The following SCN3A variants were observed in gnomAD, a reference collection of about 807,000 sequenced individuals.
SCN3A encodes sodium channel protein type 3 subunit alpha.
SCN3A carries 60 observed loss-of-function variants against 187.6 expected under a neutral mutation model. The ratio of observed to expected loss-of-function variants is 0.32; its 90% CI spans 0.26 to 0.40. SCN3A has a LOEUF of 0.40. SCN3A is among the 10% of genes least tolerant of loss of function. SCN3A has a pLI of 1.00. For synonymous variants in SCN3A, 788 were observed against 829.2 expected (o/e 0.95, Z 0.85); for missense variants, 1,601 against 2,428.2 (o/e 0.66, Z 7.16).
chr2:165,163,661 T>A lies in SCN3A; in HGVS notation c.651A>T (p.Thr217=). The part of the protein sequence containing the change: ...VDLGNVSALR[T]FRVLRALKTI... ...TTTTCAGTGCTCGGAGAACTCTGAATGTTCTCAACGCTGAGACATTGCCCA... is the reference window on the plus strand; with the variant it reads ...TTTTCAGTGCTCGGAGAACTCTGAAAGTTCTCAACGCTGAGACATTGCCCA... Residue 217 remains threonine, a synonymous_variant, in exon 7 of 28, where the codon ACA becomes ACT. Transcript: ENST00000283254. The A allele has an allele frequency of 6.2e-7, 1 of 1,614,104 alleles. No homozygotes were observed. Among genetic ancestry groups the A allele is most frequent in the South Asian group, 1.1e-5 (1 of 91,074 alleles).
intron 21 of SCN3A, among the ~76,000 whole-genome samples, chr2:165,103,511 A>G (rs1474281475): frequency 6.6e-6 from 1 of 152,176 alleles, no homozygotes; most frequent in Non-Finnish European, 1.5e-5. Context: ...CAAAAACTAA[A>G]TTTTTAATAT....
At chr2:165,192,441 T>C (rs1297435075) in intron 1 of SCN3A, among the ~76,000 whole-genome samples, 1 of 152,168 alleles carries the variant, frequency 6.6e-6, no homozygotes, top group African/African-American at 2.4e-5. Flanking sequence ...AACATGATTG[T>C]TGTTTGTATT....
chr2:165,096,694 G>A (rs1402947303), intron 23 of SCN3A, among the ~76,000 whole-genome samples, 174 bp from the exon 24 acceptor site: 1 of 152,054 alleles, frequency 6.6e-6, no homozygotes, highest in Admixed American at 6.6e-5. Flanking sequence ...TTAAAGTCTG[G>A]AACTTGTTTC....
Position 165,091,345 on chromosome 2 carries a change from C to T in SCN3A, c.4808G>A (p.Gly1603Asp). ...DFVVVILSIV[G>D]MFLAEMIEKY... The stretch of plus-strand genomic sequence containing the variant: ...TTCTATCATCTCAGCCAGAAACATA[C>T]CTATGGAAAACATAGAACACAGCTA... Residue 1603 changes from glycine to aspartate, a missense_variant and splice_region_variant, in exon 28 of 28, where the codon GGT becomes GAT. Physicochemically the swap from Gly to Asp is moderately conservative, Grantham distance 94 (BLOSUM62 -1). Coordinates refer to ENST00000283254, the MANE Select transcript of SCN3A (RefSeq NM_006922.4). 1 of 1,613,854 alleles carries T rather than the reference C, an allele frequency of 6.2e-7. No homozygotes were observed. Among genetic ancestry groups the T allele is most frequent in the Non-Finnish European group, 8.5e-7 (1 of 1,179,826 alleles).
intron 12 of SCN3A, among the ~76,000 whole-genome samples, chr2:165,146,380 ATATGTGTG>A (rs1302628388): frequency 0.025 from 2,230 of 90,580 alleles, 50 homozygotes; most frequent in African/African-American, 0.076. Flanking sequence ...ATATATATAT[ATATGTGTG>A]TGTGTGTGTG....
intron 1 of SCN3A, among the ~76,000 whole-genome samples, chr2:165,187,402 T>C (rs1308885591): frequency 6.6e-6 from 1 of 152,180 alleles, no homozygotes; most frequent in South Asian, 2.1e-4. Context: ...ATAATAATAA[T>C]TTCAAAGGGC....
intron 11 of SCN3A, among the ~76,000 whole-genome samples, chr2:165,154,112 A>C (rs1462793656): frequency 6.6e-6 from 1 of 150,376 alleles, no homozygotes; most frequent in Non-Finnish European, 1.5e-5. Flanking sequence ...TGTCATAATT[A>C]GGGGTGAATC....
At chr2:165,129,408 G>T (rs1687181366) in intron 17 of SCN3A, among the ~76,000 whole-genome samples, 2 of 152,302 alleles carry the variant, frequency 1.3e-5, no homozygotes, top group South Asian at 4.1e-4. Context: ...CCTCTTCCAA[G>T]TTACTTGGAT....
chr2:165,109,873 G>A (rs1559190954), intron 21 of SCN3A, among the ~76,000 whole-genome samples: 1 of 152,112 alleles, frequency 6.6e-6, no homozygotes, highest in Non-Finnish European at 1.5e-5. Flanking sequence ...TACTTTTTGA[G>A]TTCGGTTTCT....
rs779630939 is a variant in SCN3A at position 165,162,548 on chromosome 2, C to T, written c.967+8G>A. 2.5e-6 allele frequency: 4 copies of T among 1,613,904 alleles called. No individual in the cohort carries two copies. In the African/African-American group the frequency reaches 4.0e-5, roughly 16 times the overall value. The stretch of plus-strand genomic sequence containing the variant: ...ACACTAAGGTTAACATAATGTAATA[C>T]TTCTTACTGTCATCTCCAATGTAAT... On this transcript the variant is annotated splice_region_variant and intron_variant, in intron 8 of 27. Coordinates refer to ENST00000283254, the MANE Select transcript of SCN3A (RefSeq NM_006922.4).
intron 11 of SCN3A, among the ~76,000 whole-genome samples, chr2:165,151,121 G>A (rs996078504): frequency 6.6e-6 from 1 of 152,008 alleles, no homozygotes; most frequent in African/African-American, 2.4e-5. Context: ...GTATCCAATG[G>A]TAAGATGAAA....
At chr2:165,154,718 C>A in intron 10 of SCN3A, 60 bp from the exon 11 acceptor site, 1 of 1,457,396 alleles carries the variant, frequency 6.9e-7, no homozygotes. Flanking sequence ...AAATAAATAT[C>A]TGATTACCAC....
chr2:165,101,353 C>G (rs955126001), intron 21 of SCN3A, among the ~76,000 whole-genome samples: 2 of 152,074 alleles, frequency 1.3e-5, no homozygotes, highest in African/African-American at 4.8e-5. Flanking sequence ...AATTTTCTTT[C>G]AATATAATAA....
intron 23 of SCN3A, 23 bp from the exon 24 acceptor site, chr2:165,096,543 T>A (rs1685373080): frequency 1.9e-6 from 3 of 1,584,814 alleles, no homozygotes; most frequent in Middle Eastern, 3.3e-4. Flanking sequence ...TATATTTGAA[T>A]TGTTCATAAA....
chr2:165,091,421 A>G (rs1257541867), intron 27 of SCN3A, 76 bp from the exon 28 acceptor site: 20 of 1,556,966 alleles, frequency 1.3e-5, no homozygotes, highest in African/African-American at 2.7e-5. Flanking sequence ...TTTAAGGTCT[A>G]TGAACACAAC....
intron 11 of SCN3A, among the ~76,000 whole-genome samples, chr2:165,148,860 C>T (rs991605371): frequency 1.3e-5 from 2 of 151,902 alleles, no homozygotes; most frequent in African/African-American, 2.4e-5. Flanking sequence ...ATATTAAGTA[C>T]ATTTTATAAC....
intron 21 of SCN3A, among the ~76,000 whole-genome samples, chr2:165,104,435 A>C (rs1169440664): frequency 1.3e-5 from 2 of 151,944 alleles, no homozygotes; most frequent in East Asian, 3.9e-4. Flanking sequence ...AAAAAATAAT[A>C]CTAGAGCCTT....
intron 11 of SCN3A, 103 bp downstream of exon 11, chr2:165,154,349 T>C (rs1688882989): frequency 7.9e-7 from 1 of 1,262,384 alleles, no homozygotes; most frequent in Non-Finnish European, 1.1e-6. Context: ...TGCCTATATA[T>C]AAAATGAAAA....
At chr2:165,203,677 A>C (rs1692456937) in intron 1 of SCN3A, 146 bp downstream of exon 1, 1 of 152,072 alleles carries the variant, frequency 6.6e-6, no homozygotes, top group Non-Finnish European at 1.5e-5. Context: ...AGCAGTTTAC[A>C]CATCAAACGA....
Sources: allele counts gnomAD v4.1 joint callset (sites outside exome capture counted in the v4.1 genomes callset), GRCh38; gene constraint gnomAD v4.1.1; transcripts MANE v1.5; gene names NCBI Gene and HGNC (gene_info 2026-07-23, HGNC 2026-07-21).